SAXO1: variants seen among roughly 807,000 people sequenced by gnomAD.
The protein encoded by SAXO1 is stabilizer of axonemal microtubules 1, also known as 4930500O09Rik.
Under a neutral mutation model 17.5 loss-of-function variants are expected in SAXO1, and 21 were observed. That is an observed-to-expected ratio of 1.20 (90% CI 0.85 to 1.72). The LOEUF (loss-of-function observed/expected upper bound fraction) is 1.72, where lower values mean the gene tolerates loss of function less well. Among genes scored for constraint, SAXO1 ranks in the 40% most tolerant of loss-of-function variants. The probability of loss-of-function intolerance (pLI) is 0.00; values close to 1 mark genes in which losing one functional copy is unlikely to be tolerated. For missense variants in SAXO1, 843 were observed against 596.0 expected (o/e 1.41, Z -4.32); for synonymous variants, 274 against 216.5 (o/e 1.27, Z -2.33).
intron 1 of SAXO1, among the ~76,000 whole-genome samples, chr9:18,993,109 T>TG (rs1833873364): frequency 6.6e-6 from 1 of 151,742 alleles, no homozygotes; most frequent in Non-Finnish European, 1.5e-5. Context: ...CAGAACAATT[T>TG]TTTTTTTTTT....
intron 1 of SAXO1, among the ~76,000 whole-genome samples, chr9:19,025,689 G>C (rs898616547): frequency 6.6e-6 from 1 of 152,114 alleles, no homozygotes; most frequent in East Asian, 1.9e-4. Context: ...GGAATTTCCT[G>C]CAAGATTGCA....
chr9:19,037,788 C>T (rs1479401586), upstream of SAXO1, among the ~76,000 whole-genome samples: 1 of 152,166 alleles, frequency 6.6e-6, no homozygotes, highest in African/African-American at 2.4e-5. Flanking sequence ...TATCAAGTTA[C>T]ATCAAACCTT....
intron 1 of SAXO1, among the ~76,000 whole-genome samples, chr9:19,023,131 C>G (rs1231701174): frequency 6.8e-6 from 1 of 146,686 alleles, no homozygotes; most frequent in African/African-American, 2.5e-5. Flanking sequence ...CCCCAAACAC[C>G]AGATTACATC....
rs201612736 is a variant in SAXO1, at chr9:18,961,465, A to C, written c.39-10528T>G. 7.7e-4 allele frequency among the ~76,000 whole-genome samples: 117 copies of C among 151,800 alleles called. 1 individual carries two copies. The highest frequency in any genetic ancestry group is 1.4e-3 in the Non-Finnish European group (97 of 67,952). The stretch of plus-strand genomic sequence containing the variant: ...CAACCCATCATCTACGTTAGGTATT[A>C]CTCCTAATGCTATCCCTCCCCTTGC... On this transcript the variant is annotated intron_variant, in intron 1 of 3. Coordinates refer to ENST00000380534, the MANE Select transcript of SAXO1 (RefSeq NM_153707.4).
chr9:19,028,265 G>A (rs200338229), intron 1 of SAXO1: 2 of 658,758 alleles, frequency 3.0e-6, no homozygotes, highest in African/African-American at 1.8e-5. Context: ...AATCCCAGCT[G>A]CTCGGGAGGC....
At chr9:19,031,578 G>A (rs2131052745) in intron 1 of SAXO1, among the ~76,000 whole-genome samples, 1 of 152,274 alleles carries the variant, frequency 6.6e-6, no homozygotes, top group East Asian at 1.9e-4. Context: ...AAAAAAGAAA[G>A]GCGGCCTTAG....
rs62564765 is a variant in SAXO1 at position 18,974,993 on chromosome 9, C to T, written c.39-24056G>A. ...AAATCTGGCAGACTCTCAACCTTGA[C>T]CATATGATCAAGGTTAGCATCATCA... On this transcript the variant is annotated intron_variant, in intron 1 of 3. Coordinates refer to ENST00000380534, the MANE Select transcript of SAXO1 (RefSeq NM_153707.4). 4.3e-3 allele frequency among the ~76,000 whole-genome samples: 659 copies of T among 152,222 alleles called. 3 individuals are homozygous for T. Among genetic ancestry groups the T allele is most frequent in the Middle Eastern group, 0.024 (7 of 294 alleles).
chr9:18,965,312 G>T (rs1832671013), intron 1 of SAXO1, among the ~76,000 whole-genome samples: 1 of 152,162 alleles, frequency 6.6e-6, no homozygotes, highest in African/African-American at 2.4e-5. Flanking sequence ...GAATATCCTT[G>T]TTAATTTTGT....
intron 1 of SAXO1, among the ~76,000 whole-genome samples, chr9:18,976,940 A>G (rs1256823392): frequency 1.3e-5 from 2 of 152,224 alleles, no homozygotes; most frequent in South Asian, 2.1e-4. Context: ...ACAAATGTGA[A>G]GCACTTAGCA....
At position 18,927,802 on chromosome 9, in the gene SAXO1, A is replaced by C. The variant is rs928329555; in HGVS notation, c.*250T>G. On this transcript the variant is annotated 3_prime_UTR_variant, in exon 4 of 4. Coordinates refer to ENST00000380534, the MANE Select transcript of SAXO1 (RefSeq NM_153707.4). ...AGACCAACTTTGATTCCATAAGCACAAAGTAAAGGACCTGAAACGGGGTGG... is the reference window on the plus strand; with the variant it reads ...AGACCAACTTTGATTCCATAAGCACCAAGTAAAGGACCTGAAACGGGGTGG... The C allele has an allele frequency of 9.8e-6, 4 of 408,496 alleles. No homozygotes were observed. The highest frequency in any genetic ancestry group is 1.3e-5 in the Non-Finnish European group (3 of 231,404). 25.3% of individuals were successfully genotyped at this position (408,496 alleles called of 1,614,324 possible). A position where few individuals can be genotyped will look rare whatever the true frequency, so the allele number is the denominator to read the frequency against.
chr9:18,935,993 G>A (rs1831272672), intron 3 of SAXO1, among the ~76,000 whole-genome samples: 1 of 152,100 alleles, frequency 6.6e-6, no homozygotes, highest in Non-Finnish European at 1.5e-5. Context: ...TAATAACCAA[G>A]GTGCCACAGT....
chr9:18,970,654 C>T (rs1832912533), intron 1 of SAXO1, among the ~76,000 whole-genome samples: 2 of 152,168 alleles, frequency 1.3e-5, no homozygotes, highest in African/African-American at 2.4e-5. Context: ...CTGGTGACAA[C>T]TTGAGTGGGG....
intron 1 of SAXO1, among the ~76,000 whole-genome samples, chr9:18,978,743 G>T (rs537922935): frequency 2.2e-4 from 33 of 152,290 alleles, no homozygotes; most frequent in South Asian, 1.7e-3. Context: ...AACTTAGGAA[G>T]ATATTATCAA....
intron 1 of SAXO1, among the ~76,000 whole-genome samples, chr9:18,976,519 T>C (rs1276420504): frequency 2.6e-5 from 4 of 152,156 alleles, no homozygotes; most frequent in African/African-American, 9.7e-5. Context: ...GCATTCTGCT[T>C]TAAGATGCTG....
intron 1 of SAXO1, among the ~76,000 whole-genome samples, chr9:18,986,521 A>G (rs555291214): frequency 6.6e-6 from 1 of 152,330 alleles, no homozygotes; most frequent in South Asian, 2.1e-4. Flanking sequence ...AGTATTTGCC[A>G]CAGCAAATAA....
chr9:18,965,462 A>G (rs1832676860), intron 1 of SAXO1, among the ~76,000 whole-genome samples: 1 of 152,180 alleles, frequency 6.6e-6, no homozygotes, highest in Admixed American at 6.5e-5. Context: ...TATTTAGGAT[A>G]GTTAGCTCTT....
intron 1 of SAXO1, among the ~76,000 whole-genome samples, chr9:18,996,320 C>T (rs867508303): frequency 1.3e-5 from 2 of 152,134 alleles, no homozygotes; most frequent in South Asian, 2.1e-4. Context: ...CTGAGAAATG[C>T]ATCATTAGGC....
chr9:18,967,855 G>T (rs1832787356), intron 1 of SAXO1, among the ~76,000 whole-genome samples: 1 of 152,130 alleles, frequency 6.6e-6, no homozygotes, highest in South Asian at 2.1e-4. Context: ...TTTTGTTCTT[G>T]AAACCCAGAG....
chr9:18,991,717 TA>T (rs1454645856), intron 1 of SAXO1, among the ~76,000 whole-genome samples: 1 of 152,044 alleles, frequency 6.6e-6, no homozygotes, highest in Non-Finnish European at 1.5e-5. Flanking sequence ...AAGTACAATT[TA>T]AAAAAATTAA....
Sources: gnomAD v4.1 joint callset for allele counts (sites outside exome capture counted in the v4.1 genomes callset) on GRCh38, gnomAD v4.1.1 for gene constraint, MANE v1.5 for transcripts, NCBI Gene and HGNC (gene_info 2026-07-23, HGNC 2026-07-21) for gene names.